The following CRTC3 variants were observed in gnomAD, a reference collection of about 807,000 sequenced individuals.
The protein encoded by CRTC3 is CREB-regulated transcription coactivator 3.
A neutral mutation model predicts 74.5 loss-of-function variants in CRTC3; 26 were observed. The ratio of observed to expected loss-of-function variants is 0.35; its 90% CI spans 0.26 to 0.48. The LOEUF is 0.48. CRTC3 is among the 20% of genes least tolerant of loss of function. CRTC3 has a pLI of 0.99. For missense variants in CRTC3, 760 were observed against 787.3 expected (o/e 0.97, Z 0.41); for synonymous variants, 377 against 325.8 (o/e 1.16, Z -1.69).
chr15:90,619,302 C>T (rs376695711), intron 8 of CRTC3, among the ~76,000 whole-genome samples: 1 of 152,014 alleles, frequency 6.6e-6, no homozygotes, highest in East Asian at 1.9e-4. Flanking sequence ...ACTAAAAATA[C>T]AAAAATTAGC....
At position 90,645,043 on chromosome 15, in the gene CRTC3, C is replaced by T. The variant is rs762208001; in HGVS notation, c.*2903C>T. 1 of 231,564 alleles carries T rather than the reference C, an allele frequency of 4.3e-6. No homozygotes were observed. The highest frequency in any genetic ancestry group is 2.2e-5 in the African/African-American group (1 of 45,212). The allele number at this position is 231,564 out of a possible 1,614,324, so 14.3% of individuals were successfully genotyped here. A position where few individuals can be genotyped will look rare whatever the true frequency, so the allele number is the denominator to read the frequency against. ...TCCTGTTTCATTTCTCCTCCGCCTG[C>T]TGTATATTACCTGAGCTGGTGTTGT... On this transcript the variant is annotated 3_prime_UTR_variant, in exon 15 of 15. Coordinates refer to ENST00000268184, the MANE Select transcript of CRTC3 (RefSeq NM_022769.5).
In CRTC3 at chr15:90,645,182, C is replaced by T. The variant is rs879721513; in HGVS notation, c.*3042C>T. On this transcript the variant is annotated 3_prime_UTR_variant, in exon 15 of 15. Transcript: ENST00000268184. The stretch of plus-strand genomic sequence containing the variant: ...GTGTCCAGTGCTTCATGGATGGGAC[C>T]ATCCCAGCAACTAATCAGACTTCCT... The T allele has an allele frequency of 2.2e-5, 5 of 229,698 alleles. No individual in the cohort carries two copies. The highest frequency in any genetic ancestry group is 4.4e-5 in the African/African-American group (2 of 45,118). 14.2% of individuals were successfully genotyped at this position (229,698 alleles called of 1,614,324 possible).
intron 6 of CRTC3, among the ~76,000 whole-genome samples, chr15:90,610,277 T>C (rs1158504478): frequency 6.6e-6 from 1 of 152,256 alleles, no homozygotes; most frequent in Non-Finnish European, 1.5e-5. Context: ...GAAAATATAA[T>C]TGAAGCCCAG....
At chr15:90,608,644 C>G (rs963903191) in intron 6 of CRTC3, among the ~76,000 whole-genome samples, 2 of 152,218 alleles carry the variant, frequency 1.3e-5, no homozygotes, top group Non-Finnish European at 2.9e-5. Context: ...GCATCTCTTT[C>G]TCTGCTCAGT....
At chr15:90,539,042 G>A (rs1335004700) in intron 1 of CRTC3, among the ~76,000 whole-genome samples, 1 of 152,190 alleles carries the variant, frequency 6.6e-6, no homozygotes, top group African/African-American at 2.4e-5. Flanking sequence ...CCCATCCTAG[G>A]GGCTTAGATC....
intron 2 of CRTC3, among the ~76,000 whole-genome samples, chr15:90,542,203 G>T (rs1299348243): frequency 4.1e-5 from 6 of 146,534 alleles, no homozygotes; most frequent in African/African-American, 1.3e-4. Flanking sequence ...TTTTGAGACC[G>T]AGTCTCATTC....
chr15:90,559,329 T>C lies in CRTC3; in HGVS notation c.231+19192T>C, dbSNP rs148961110. ...TTTTACAGATGAGAAAACTGAGTCTTAAGAGGTTAGGCGACTTGCCCAAAA... is the reference window on the plus strand; with the variant it reads ...TTTTACAGATGAGAAAACTGAGTCTCAAGAGGTTAGGCGACTTGCCCAAAA... On this transcript the variant is annotated intron_variant, in intron 2 of 14. Coordinates refer to ENST00000268184, the MANE Select transcript of CRTC3 (RefSeq NM_022769.5). 4.0e-4 allele frequency among the ~76,000 whole-genome samples: 61 copies of C among 152,304 alleles called. No individual in the cohort carries two copies. The East Asian group carries it at 0.01, about 26-fold the overall frequency.
intron 9 of CRTC3, among the ~76,000 whole-genome samples, chr15:90,625,223 C>A (rs1968790548): frequency 6.6e-6 from 1 of 152,160 alleles, no homozygotes. Context: ...CCGGCGGACA[C>A]ACTCGCCCTG....
At chr15:90,543,428 T>C (rs1033733917) in intron 2 of CRTC3, among the ~76,000 whole-genome samples, 1 of 152,084 alleles carries the variant, frequency 6.6e-6, no homozygotes, top group Non-Finnish European at 1.5e-5. Flanking sequence ...AAACTTTCAA[T>C]CTATACATTC....
chr15:90,574,452 T>C (rs1395798016), intron 2 of CRTC3, among the ~76,000 whole-genome samples: 1 of 152,174 alleles, frequency 6.6e-6, no homozygotes, highest in Non-Finnish European at 1.5e-5. Context: ...TACTCTAGCC[T>C]GGTGACAGAG....
chr15:90,642,348 C>CAA lies in CRTC3; in HGVS notation c.*210_*211dup. 3.5e-6 allele frequency: 2 copies of CAA among 576,616 alleles called. No individual in the cohort carries two copies. Among genetic ancestry groups the CAA allele is most frequent in the Non-Finnish European group, 6.2e-6 (2 of 323,078 alleles). 35.7% of individuals were successfully genotyped at this position (576,616 alleles called of 1,614,324 possible). On this transcript the variant is annotated 3_prime_UTR_variant, in exon 15 of 15. Coordinates refer to ENST00000268184, the MANE Select transcript of CRTC3 (RefSeq NM_022769.5). ...TTGTACTGCCTCTCCCGCCTGTGGC[C>CAA]AAAGTCGTGTTGCAGCAGGCAGGCT...
chr15:90,605,367 G>A (rs2151083220), intron 5 of CRTC3, among the ~76,000 whole-genome samples: 1 of 152,154 alleles, frequency 6.6e-6, no homozygotes, highest in East Asian at 1.9e-4. Flanking sequence ...CATTCTGCCA[G>A]TCTCTCCAAA....
At chr15:90,606,343 C>A (rs1968219960) in intron 5 of CRTC3, among the ~76,000 whole-genome samples, 1 of 152,102 alleles carries the variant, frequency 6.6e-6, no homozygotes, top group Non-Finnish European at 1.5e-5. Context: ...AGGTGGATCA[C>A]CCGAGGTCGG....
intron 2 of CRTC3, among the ~76,000 whole-genome samples, chr15:90,577,786 G>A (rs544247384): frequency 3.8e-4 from 58 of 152,254 alleles, no homozygotes; most frequent in African/African-American, 1.3e-3. Flanking sequence ...GACAAATATC[G>A]CATGTTCTCA....
chr15:90,617,009 C>A (rs1032445445), intron 7 of CRTC3, among the ~76,000 whole-genome samples: 1 of 152,172 alleles, frequency 6.6e-6, no homozygotes, highest in African/African-American at 2.4e-5. Flanking sequence ...TTCTTCCATT[C>A]TCTCCTTTGC....
At chr15:90,631,236 C>T (rs984035740) in intron 11 of CRTC3, among the ~76,000 whole-genome samples, 5 of 151,926 alleles carry the variant, frequency 3.3e-5, no homozygotes, top group Admixed American at 1.3e-4. Context: ...CTCTTTTGGG[C>T]GAGGGTGAGA....
intron 11 of CRTC3, among the ~76,000 whole-genome samples, chr15:90,634,537 ACTT>A (rs1341904946): frequency 4.6e-5 from 7 of 152,152 alleles, no homozygotes; most frequent in African/African-American, 1.7e-4. Context: ...TTTCACAACT[ACTT>A]CTTCCTGCAC....
At chr15:90,607,117 T>C (rs1177140163) in intron 5 of CRTC3, among the ~76,000 whole-genome samples, 1 of 152,182 alleles carries the variant, frequency 6.6e-6, no homozygotes, top group African/African-American at 2.4e-5. Context: ...GAGGCCCACC[T>C]TGTTGAACTT....
intron 2 of CRTC3, among the ~76,000 whole-genome samples, chr15:90,581,504 T>C (rs1967541088): frequency 6.6e-6 from 1 of 152,220 alleles, no homozygotes; most frequent in African/African-American, 2.4e-5. Flanking sequence ...GCTGGCTGTA[T>C]GGTAGAAAAC....
Sources: allele counts gnomAD v4.1 joint callset (sites outside exome capture counted in the v4.1 genomes callset), GRCh38; gene constraint gnomAD v4.1.1; transcripts MANE v1.5; gene names NCBI Gene and HGNC (gene_info 2026-07-23, HGNC 2026-07-21).